Variants in ART3 observed in about 807,000 individuals in gnomAD.
ART3 encodes ecto-ADP-ribosyltransferase 3.
In ART3, 49 loss-of-function variants were observed where a neutral mutation model predicts 48.5. The ratio of observed to expected loss-of-function variants is 1.01; its 90% CI spans 0.80 to 1.28. The LOEUF is 1.28. Ranked by LOEUF, ART3 falls within the 50% of genes most tolerant of loss-of-function variation. The pLI is 0.00. For missense variants in ART3, 438 were observed against 454.3 expected (o/e 0.96, Z 0.33); for synonymous variants, 145 against 157.2 (o/e 0.92, Z 0.58).
intron 1 of ART3, among the ~76,000 whole-genome samples, chr4:76,060,065 A>G (rs1719056931): frequency 1.3e-5 from 2 of 152,156 alleles, no homozygotes; most frequent in Non-Finnish European, 2.9e-5. Flanking sequence ...TTTATCTTCC[A>G]TCTCATCCTG....
chr4:76,052,411 A>C (rs6826408), intron 1 of ART3, among the ~76,000 whole-genome samples: 88,855 of 151,778 alleles, frequency 0.59, 26,850 homozygotes, highest in East Asian at 0.94. Context: ...ACCATACGGA[A>C]CTTCTCATGC....
intron 11 of ART3, among the ~76,000 whole-genome samples, chr4:76,110,229 A>C (rs1729224607): frequency 6.6e-6 from 1 of 152,240 alleles, no homozygotes; most frequent in African/African-American, 2.4e-5. Flanking sequence ...GGAAAAAATA[A>C]TACAAATTTA....
At chr4:76,098,150 G>C (rs933054492) in intron 4 of ART3, among the ~76,000 whole-genome samples, 2 of 151,682 alleles carry the variant, frequency 1.3e-5, no homozygotes, top group Non-Finnish European at 2.9e-5. Flanking sequence ...ATGACAGAAG[G>C]GTAATGCGGT....
At chr4:76,103,497 T>C (rs971274697) in intron 8 of ART3, among the ~76,000 whole-genome samples, 13 of 152,200 alleles carry the variant, frequency 8.5e-5, no homozygotes, top group Non-Finnish European at 1.9e-4. Context: ...AGTCTTTCCT[T>C]CAATCTTCAC....
intron 2 of ART3, among the ~76,000 whole-genome samples, chr4:76,079,058 G>A (rs1004257161): frequency 6.6e-5 from 10 of 152,174 alleles, no homozygotes; most frequent in Middle Eastern, 3.4e-3. Context: ...TCCAGCCTGG[G>A]CGGCAGAGCG....
At chr4:76,065,292 G>T (rs1719621026) in intron 1 of ART3, among the ~76,000 whole-genome samples, 1 of 152,038 alleles carries the variant, frequency 6.6e-6, no homozygotes, top group Non-Finnish European at 1.5e-5. Flanking sequence ...TATTATTATT[G>T]TATACTTTTG....
At chr4:76,016,007 G>C (rs192951790) in intron 1 of ART3, among the ~76,000 whole-genome samples, 56 of 152,298 alleles carry the variant, frequency 3.7e-4, no homozygotes, top group Admixed American at 1.1e-3. Context: ...ATATTGGCCT[G>C]TTGTTTTCTT....
chr4:76,049,866 C>T (rs1331978677), intron 1 of ART3, among the ~76,000 whole-genome samples: 1 of 151,958 alleles, frequency 6.6e-6, no homozygotes, highest in East Asian at 1.9e-4. Flanking sequence ...GTGAGTGTTA[C>T]AGCTCTTAAG....
At position 76,059,373 on chromosome 4, in the gene ART3, T is replaced by C. The variant is rs200979889; in HGVS notation, c.-9-16508T>C. On this transcript the variant is annotated intron_variant, in intron 1 of 9. Transcript: ENST00000341029. ...CGTTATTTTCTCTTGTTTTTTTTTC[T>C]TTTTTTTTTCCTGAGCTTTATTTGC... 1.3e-4 allele frequency among the ~76,000 whole-genome samples: 19 copies of C among 149,728 alleles called. No homozygotes were observed. In the South Asian group the frequency reaches 1.7e-3, roughly 14 times the overall value.
intron 1 of ART3, among the ~76,000 whole-genome samples, chr4:76,042,796 G>A (rs971323370): frequency 6.6e-6 from 1 of 152,102 alleles, no homozygotes; most frequent in African/African-American, 2.4e-5. Flanking sequence ...ATTGCAAAGA[G>A]TGAAAGAACA....
At chr4:76,011,290 G>C (rs1354664228) in exon 1 of ART3, 1 of 152,566 alleles carries the variant, frequency 6.6e-6, no homozygotes, top group Non-Finnish European at 1.5e-5. Context: ...GATCCAGCCG[G>C]AGGCGAAGAG....
chr4:76,022,494 G>A (rs1732945889), intron 1 of ART3: 1 of 1,580,202 alleles, frequency 6.3e-7, no homozygotes, highest in African/African-American at 1.3e-5. Flanking sequence ...TTAAAACTGT[G>A]TTGGGTCAAT....
intron 2 of ART3, among the ~76,000 whole-genome samples, chr4:76,078,244 G>A (rs1203598222): frequency 6.6e-6 from 1 of 152,008 alleles, no homozygotes; most frequent in African/African-American, 2.4e-5. Flanking sequence ...ATCAGCTATG[G>A]TGTCTGGCCA....
At chr4:76,068,713 T>C (rs1197584676) in intron 1 of ART3, among the ~76,000 whole-genome samples, 3 of 152,066 alleles carry the variant, frequency 2.0e-5, no homozygotes, top group South Asian at 4.1e-4. Flanking sequence ...GGTGATGAAG[T>C]AATGGGTACA....
chr4:76,036,247 G>T, intron 1 of ART3: 1 of 403,714 alleles, frequency 2.5e-6, no homozygotes, highest in South Asian at 7.0e-5. Flanking sequence ...AAAGTGATAA[G>T]AATGTGAAAG....
chr4:76,038,736 T>TTTATTTAC (rs1185094188), intron 1 of ART3, among the ~76,000 whole-genome samples: 18 of 125,356 alleles, frequency 1.4e-4, no homozygotes, highest in African/African-American at 5.3e-4. Flanking sequence ...TATTTATTTA[T>TTTATTTAC]CTTTGAGATG....
intron 1 of ART3, among the ~76,000 whole-genome samples, chr4:76,042,567 C>A (rs1024549605): frequency 4.6e-5 from 7 of 152,174 alleles, no homozygotes; most frequent in African/African-American, 1.7e-4. Flanking sequence ...GTCTCGCTGA[C>A]TTCAAGAATG....
intron 1 of ART3, among the ~76,000 whole-genome samples, chr4:76,047,055 C>T (rs1232081452): frequency 6.6e-6 from 1 of 152,002 alleles, no homozygotes; most frequent in Non-Finnish European, 1.5e-5. Flanking sequence ...TTGGGGGCTT[C>T]TGACCCAGGG....
At position 76,069,444 on chromosome 4, in the gene ART3, C is replaced by T. The variant is rs146892273; in HGVS notation, c.-9-6437C>T. Among the ~76,000 whole-genome samples, 571 of 133,916 alleles carry T rather than the reference C, an allele frequency of 4.3e-3. 5 individuals are homozygous for T. The highest frequency in any genetic ancestry group is 0.016 in the African/African-American group (556 of 34,262). The allele number at this position is 133,916 out of a possible 152,430, so 87.9% of individuals were successfully genotyped here. A position where few individuals can be genotyped will look rare whatever the true frequency, so the allele number is the denominator to read the frequency against. ...TGTCTCTATCACCCAGGCTGGAGTGCGGTGGCACTATCTCAGCTCACTGCA... is the reference window on the plus strand; with the variant it reads ...TGTCTCTATCACCCAGGCTGGAGTGTGGTGGCACTATCTCAGCTCACTGCA... On this transcript the variant is annotated intron_variant, in intron 1 of 9. Coordinates refer to the ART3 transcript ENST00000341029.
Sources: gnomAD v4.1 joint callset for allele counts (sites outside exome capture counted in the v4.1 genomes callset) on GRCh38, gnomAD v4.1.1 for gene constraint, MANE v1.5 for transcripts, NCBI Gene and HGNC (gene_info 2026-07-23, HGNC 2026-07-21) for gene names.